The following CSNK2A2IP variants were observed in gnomAD, a reference collection of about 807,000 sequenced individuals.
CSNK2A2IP encodes the protein casein kinase 2 subunit alpha' interacting protein.
chr3:88,435,818 C>A, the CSNK2A2IP span, among the ~76,000 whole-genome samples: 110 of 152,036 alleles, frequency 7.2e-4, no homozygotes, highest in Non-Finnish European at 1.3e-4. Context: ...AGATCTGAAT[C>A]AGCAGAATAT....
At chr3:88,446,235 C>A in the CSNK2A2IP span, among the ~76,000 whole-genome samples, 1 of 151,786 alleles carries the variant, frequency 6.6e-6, no homozygotes, top group Non-Finnish European at 1.5e-5. Context: ...ATTACAGGCG[C>A]ATGCCACTAC....
the CSNK2A2IP span, among the ~76,000 whole-genome samples, chr3:88,347,324 T>C: frequency 1.1e-4 from 17 of 152,102 alleles, no homozygotes; most frequent in South Asian, 2.3e-3. Flanking sequence ...TTGGAAGAAG[T>C]TCTAATGTGG....
At chr3:88,382,201 A>G in the CSNK2A2IP span, among the ~76,000 whole-genome samples, 1 of 152,204 alleles carries the variant, frequency 6.6e-6, no homozygotes, top group East Asian at 1.9e-4. Context: ...GCCATCTCAG[A>G]GTTGCCTTTT....
At chr3:88,396,751 A>T in the CSNK2A2IP span, among the ~76,000 whole-genome samples, 5 of 152,216 alleles carry the variant, frequency 3.3e-5, no homozygotes, top group African/African-American at 9.6e-5. Flanking sequence ...GCATAAGATT[A>T]TAATAGTTAC....
chr3:88,392,866 T>C, the CSNK2A2IP span, among the ~76,000 whole-genome samples: 1 of 152,152 alleles, frequency 6.6e-6, no homozygotes, highest in East Asian at 1.9e-4. Flanking sequence ...AATAGGGCAA[T>C]ATGAACACAC....
chr3:88,359,832 T>C, the CSNK2A2IP span, among the ~76,000 whole-genome samples: 1 of 152,156 alleles, frequency 6.6e-6, no homozygotes, highest in Non-Finnish European at 1.5e-5. Flanking sequence ...GAATAATGTG[T>C]ATTTTGTGGC....
the CSNK2A2IP span, among the ~76,000 whole-genome samples, chr3:88,437,192 C>T: frequency 6.6e-6 from 1 of 152,118 alleles, no homozygotes; most frequent in Non-Finnish European, 1.5e-5. Context: ...TGTACATTTT[C>T]ATTTTTACAG....
the CSNK2A2IP span, among the ~76,000 whole-genome samples, chr3:88,400,789 A>C: frequency 6.6e-6 from 1 of 152,220 alleles, no homozygotes; most frequent in Non-Finnish European, 1.5e-5. Context: ...AATGGAAGAT[A>C]ATAAATTTGT....
At chr3:88,436,792 A>G in the CSNK2A2IP span, among the ~76,000 whole-genome samples, 1 of 152,148 alleles carries the variant, frequency 6.6e-6, no homozygotes, top group Non-Finnish European at 1.5e-5. Context: ...CATTGCAACC[A>G]CAAGAACACA....
chr3:88,388,500 G>A, the CSNK2A2IP span, among the ~76,000 whole-genome samples: 3 of 152,254 alleles, frequency 2.0e-5, no homozygotes, highest in South Asian at 6.2e-4. Flanking sequence ...GTCAAAATGA[G>A]GGTTTTTTAT....
the CSNK2A2IP span, among the ~76,000 whole-genome samples, chr3:88,358,567 A>G: frequency 6.6e-6 from 1 of 151,926 alleles, no homozygotes; most frequent in South Asian, 2.1e-4. Flanking sequence ...ATTATATTGA[A>G]TGCTTTTTCT....
the CSNK2A2IP span, among the ~76,000 whole-genome samples, chr3:88,383,137 G>A: frequency 6.6e-6 from 1 of 150,902 alleles, no homozygotes; most frequent in African/African-American, 2.4e-5. Context: ...CTTCTCTTTT[G>A]GAGGTCCTGT....
At chr3:88,437,111 T>C in the CSNK2A2IP span, among the ~76,000 whole-genome samples, 1 of 152,162 alleles carries the variant, frequency 6.6e-6, no homozygotes, top group Non-Finnish European at 1.5e-5. Context: ...AAAATTGTTG[T>C]CTTTTCATTA....
the CSNK2A2IP span, among the ~76,000 whole-genome samples, chr3:88,338,998 T>C: frequency 6.6e-6 from 1 of 152,142 alleles, no homozygotes; most frequent in African/African-American, 2.4e-5. Context: ...ATACAATGTG[T>C]AATGTTCAAA....
At chr3:88,385,931 G>T in the CSNK2A2IP span, among the ~76,000 whole-genome samples, 1 of 152,162 alleles carries the variant, frequency 6.6e-6, no homozygotes, top group Non-Finnish European at 1.5e-5. Context: ...GAAACAGGAA[G>T]GTGAAAGTGA....
At chr3:88,370,599 T>C in the CSNK2A2IP span, among the ~76,000 whole-genome samples, 1 of 109,470 alleles carries the variant, frequency 9.1e-6, no homozygotes, top group African/African-American at 3.0e-5. Flanking sequence ...TTTCTTTCTT[T>C]CTCTCTCTCT....
chr3:88,418,463 T>TGTGTGTGTGTGCGCGCGC, the CSNK2A2IP span, among the ~76,000 whole-genome samples: 244 of 149,626 alleles, frequency 1.6e-3, 2 homozygotes, highest in African/African-American at 2.6e-3. Context: ...TGTGTGTGTG[T>TGTGTGTGTGTGCGCGCGC]GCGCGCGGGC....
chr3:88,407,198 C>G, the CSNK2A2IP span, among the ~76,000 whole-genome samples: 38 of 147,204 alleles, frequency 2.6e-4, no homozygotes, highest in Non-Finnish European at 4.8e-4. Context: ...AGTGGAATTA[C>G]TTACTCTATC....
chr3:88,434,821 C>G, the CSNK2A2IP span, among the ~76,000 whole-genome samples: 1 of 152,154 alleles, frequency 6.6e-6, no homozygotes. Context: ...ATCATCCATA[C>G]TAGCTCTTGG....
Sources: allele counts gnomAD v4.1 joint callset (sites outside exome capture counted in the v4.1 genomes callset), GRCh38; gene constraint gnomAD v4.1.1; transcripts MANE v1.5; gene names NCBI Gene and HGNC (gene_info 2026-07-23, HGNC 2026-07-21).